Variants in GDI2 observed in about 807,000 individuals in gnomAD.
GDI2 encodes the protein GDP dissociation inhibitor 2, also known as rab GDP dissociation inhibitor beta.
GDI2 carries 22 observed loss-of-function variants against 54.2 expected under a neutral mutation model. The observed-to-expected ratio is 0.41, with a 90% CI of 0.29 to 0.58. The LOEUF is 0.58. Among genes scored for constraint, GDI2 ranks in the 20% least tolerant of loss-of-function variants. GDI2 has a pLI of 0.35. For missense variants in GDI2, 422 were observed against 546.0 expected, an observed-to-expected ratio of 0.77 and a Z score of 2.26; for synonymous variants, 177 against 182.1, an observed-to-expected ratio of 0.97 and a Z score of 0.23.
intron 4 of GDI2, among the ~76,000 whole-genome samples, chr10:5,786,906 A>G (rs578151821): frequency 2.6e-5 from 4 of 152,322 alleles, no homozygotes; most frequent in African/African-American, 9.6e-5. Context: ...TAAGCAACCA[A>G]TTCGCTGCAT....
chr10:5,803,251 A>C (rs1027273057), intron 1 of GDI2, among the ~76,000 whole-genome samples: 1 of 152,182 alleles, frequency 6.6e-6, no homozygotes, highest in Non-Finnish European at 1.5e-5. Context: ...GCAAAACCCT[A>C]TCTCTGCAAA....
chr10:5,791,340 T>TG (rs1841007801), intron 4 of GDI2, among the ~76,000 whole-genome samples: 1 of 152,102 alleles, frequency 6.6e-6, no homozygotes, highest in African/African-American at 2.4e-5. Flanking sequence ...CCGGGCACAG[T>TG]GGCTCACACC....
chr10:5,795,935 TA>T (rs149474285), intron 3 of GDI2, among the ~76,000 whole-genome samples: 29,321 of 151,266 alleles, frequency 0.19, 3,191 homozygotes, highest in Admixed American at 0.25. Context: ...AAAAAATTAA[TA>T]AAAACAAACA....
At chr10:5,781,745 G>A (rs554069330) in intron 6 of GDI2, among the ~76,000 whole-genome samples, 1 of 152,080 alleles carries the variant, frequency 6.6e-6, no homozygotes, top group East Asian at 1.9e-4. Context: ...CAGGCACTGT[G>A]GCTCCTGCCT....
At chr10:5,787,804 G>C (rs1588977391) in intron 4 of GDI2, among the ~76,000 whole-genome samples, 2 of 152,348 alleles carry the variant, frequency 1.3e-5, no homozygotes, top group East Asian at 3.9e-4. Context: ...ATTACTAACA[G>C]TTATTTTGGA....
chr10:5,791,913 C>T (rs1000346166), intron 4 of GDI2, among the ~76,000 whole-genome samples: 1 of 152,040 alleles, frequency 6.6e-6, no homozygotes. Context: ...AAAAAACAGT[C>T]CTGTTTACAC....
chr10:5,766,431 C>T lies in GDI2; in HGVS notation c.1136+63G>A. 1 of 1,584,890 alleles carries T rather than the reference C, an allele frequency of 6.3e-7. No homozygotes were observed. Among genetic ancestry groups the T allele is most frequent in the Non-Finnish European group, 8.7e-7 (1 of 1,154,446 alleles). ...CTGCCTTGCCCTCACATTCGTCCCA[C>T]CATGGAGCCACAATCAAAGGCCTCA... On this transcript the variant is annotated intron_variant, in intron 9 of 10. Transcript: ENST00000380191. The surrounding 1 kb of genome is among the most constrained non-coding windows in gnomAD (Gnocchi z 5.8).
rs1017037667 is a variant in GDI2, at chr10:5,791,438, G to A, written c.388+3447C>T. ...CAGCCTGGCCAACATGGCGAAACCC[G>A]GTCTCTACTAAAACATACAAAAATT... On this transcript the variant is annotated intron_variant, in intron 4 of 10. Transcript: ENST00000380191. Among the ~76,000 whole-genome samples the A allele has an allele frequency of 4.6e-5, 7 of 151,722 alleles. No individual in the cohort carries two copies. The East Asian group carries it at 7.7e-4, about 17-fold the overall frequency.
chr10:5,769,679 C>T (rs1692853031), intron 7 of GDI2, among the ~76,000 whole-genome samples: 1 of 151,626 alleles, frequency 6.6e-6, no homozygotes, highest in Non-Finnish European at 1.5e-5. Flanking sequence ...CTAATCATAA[C>T]TTCAGTGAGC....
intron 4 of GDI2, among the ~76,000 whole-genome samples, chr10:5,792,745 A>G (rs1480377824): frequency 6.6e-6 from 1 of 151,846 alleles, no homozygotes; most frequent in Non-Finnish European, 1.5e-5. Flanking sequence ...AACAGGTCAG[A>G]AAGAATGGAA....
At chr10:5,770,525 G>C (rs1840462228) in intron 7 of GDI2, among the ~76,000 whole-genome samples, 2 of 152,024 alleles carry the variant, frequency 1.3e-5, no homozygotes, top group African/African-American at 2.4e-5. Context: ...TCATGCCACT[G>C]CACTCCAGCT....
intron 1 of GDI2, among the ~76,000 whole-genome samples, chr10:5,806,773 C>T (rs1422738392): frequency 6.6e-6 from 1 of 152,178 alleles, no homozygotes; most frequent in African/African-American, 2.4e-5. Context: ...AAAATATTTA[C>T]TATCTTAAAA....
At chr10:5,794,270 G>C (rs1381720793) in intron 4 of GDI2, among the ~76,000 whole-genome samples, 1 of 132,098 alleles carries the variant, frequency 7.6e-6, no homozygotes, top group Non-Finnish European at 1.5e-5. Context: ...AAGATATTGG[G>C]AATTACTAAC....
At chr10:5,796,889 A>G (rs763034717) in intron 2 of GDI2, 27 bp from the exon 3 acceptor site, 2 of 1,107,778 alleles carry the variant, frequency 1.8e-6, no homozygotes, top group Admixed American at 3.8e-5. Context: ...ACATAGCCAT[A>G]ATGTTAACAA....
Position 5,797,141 on chromosome 10 carries a change from G to A in GDI2, c.154-279C>T, listed in dbSNP as rs147623691. 2.2e-4 allele frequency among the ~76,000 whole-genome samples: 33 copies of A among 152,282 alleles called. No individual in the cohort carries two copies. The East Asian group carries it at 6.2e-3, about 28-fold the overall frequency. ...AATATAAAACAAGGCCAGACGCAAT[G>A]GCTCATGCCTGTAATCCCAGCACTT... On this transcript the variant is annotated intron_variant, in intron 2 of 10. Coordinates refer to ENST00000380191, the MANE Select transcript of GDI2 (RefSeq NM_001494.4).
chr10:5,773,865 T>C lies in GDI2; in HGVS notation c.796A>G (p.Ile266Val), dbSNP rs1840554639. The C allele has an allele frequency of 1.3e-6, 2 of 1,483,342 alleles. No homozygotes were observed. Among genetic ancestry groups the C allele is most frequent in the African/African-American group, 1.4e-5 (1 of 72,402 alleles). 91.9% of individuals were successfully genotyped at this position (1,483,342 alleles called of 1,614,324 possible). ...ACTTCTCCTTCAGATTTTACACCAA[T>C]TACTTTTCCATTCTGTACAATGATT... ...EEIIVQNGKV[I>V]GVKSEGEIAR... Residue 266 changes from isoleucine to valine, a missense_variant, in exon 7 of 11, where the codon ATT becomes GTT. Physicochemically the swap from Ile to Val is conservative, Grantham distance 29. Coordinates refer to ENST00000380191, the MANE Select transcript of GDI2 (RefSeq NM_001494.4).
intron 7 of GDI2, among the ~76,000 whole-genome samples, chr10:5,771,446 C>G (rs1840486606): frequency 6.6e-6 from 1 of 152,172 alleles, no homozygotes. Context: ...CTTTTTCCAG[C>G]TATCATTACT....
At chr10:5,769,591 T>C (rs1234333461) in intron 7 of GDI2, among the ~76,000 whole-genome samples, 12 of 143,534 alleles carry the variant, frequency 8.4e-5, no homozygotes, top group Non-Finnish European at 3.0e-5. Flanking sequence ...AAAAAAAAAA[T>C]CGAAGGACTT....
chr10:5,768,092 C>A lies in GDI2; in HGVS notation c.991+121G>T, dbSNP rs1173749471. 3 of 766,852 alleles carry A rather than the reference C, an allele frequency of 3.9e-6. No individual in the cohort carries two copies. Among genetic ancestry groups the A allele is most frequent in the Non-Finnish European group, 6.5e-6 (3 of 462,904 alleles). 47.5% of individuals were successfully genotyped at this position (766,852 alleles called of 1,614,324 possible). Reference sequence around the variant, plus strand: ...GAGGAGGTACAAAGATTTTTTTCCCCCATATGTAAACCAAGGTCTGTTCAC... The same window carrying A: ...GAGGAGGTACAAAGATTTTTTTCCCACATATGTAAACCAAGGTCTGTTCAC... On this transcript the variant is annotated intron_variant, in intron 8 of 10. Coordinates refer to ENST00000380191, the MANE Select transcript of GDI2 (RefSeq NM_001494.4). The surrounding 1 kb of genome is among the most constrained non-coding windows in gnomAD (Gnocchi z 4.4).
Sources: allele counts gnomAD v4.1 joint callset (sites outside exome capture counted in the v4.1 genomes callset), GRCh38; gene constraint gnomAD v4.1.1; non-coding constraint Gnocchi (gnomAD v3.1); transcripts MANE v1.5; gene names NCBI Gene and HGNC (gene_info 2026-07-23, HGNC 2026-07-21).